MICAL3: variants seen among roughly 807,000 people sequenced by gnomAD.
MICAL3 encodes the protein microtubule associated monooxygenase, calponin and LIM domain containing 3, also known as [F-actin]-monooxygenase MICAL3.
MICAL3 carries 62 observed loss-of-function variants against 207.4 expected under a neutral mutation model. That is an observed-to-expected ratio of 0.30 (90% CI 0.24 to 0.37). The LOEUF (loss-of-function observed/expected upper bound fraction) is 0.37. Among genes scored for constraint, MICAL3 ranks in the 10% least tolerant of loss-of-function variants. The probability of loss-of-function intolerance (pLI) is 1.00; values close to 1 mark genes in which losing one functional copy is unlikely to be tolerated. For synonymous variants in MICAL3, 1,077 were observed against 1,069.3 expected (o/e 1.01, Z -0.14); for missense variants, 2,368 against 2,635.6 (o/e 0.90, Z 2.22).
At chr22:17,834,344 A>G (rs1923131800) in intron 20 of MICAL3, 9 of 1,218,018 alleles carry the variant, frequency 7.4e-6, no homozygotes, top group Non-Finnish European at 9.4e-6. Flanking sequence ...ATTTACCTGG[A>G]TAAAATTTAT....
At chr22:17,888,977 C>G (rs1930168632) in intron 13 of MICAL3, 57 bp downstream of exon 13, 1 of 1,282,960 alleles carries the variant, frequency 7.8e-7, no homozygotes, top group African/African-American at 1.5e-5. Flanking sequence ...GAAGGAAGAA[C>G]AGCCGGGCCA....
At chr22:17,863,341 G>A in intron 19 of MICAL3, 1 of 985,334 alleles carries the variant, frequency 1.0e-6, no homozygotes, top group Non-Finnish European at 1.2e-6. Context: ...TGATGAAATA[G>A]GGCCCAGACT....
chr22:17,897,393 A>G (rs1285656416), intron 7 of MICAL3, among the ~76,000 whole-genome samples: 1 of 137,068 alleles, frequency 7.3e-6, no homozygotes, highest in East Asian at 2.2e-4. Context: ...ACTGCACTCC[A>G]GCCTAGGTGA....
At chr22:17,980,093 T>C (rs563663623) in intron 1 of MICAL3, among the ~76,000 whole-genome samples, 95 of 148,142 alleles carry the variant, frequency 6.4e-4, no homozygotes, top group African/African-American at 2.1e-3. Context: ...CCTCCCAAAG[T>C]GCTAGGATTA....
At chr22:17,964,907 G>GT (rs1360400505) in intron 1 of MICAL3, among the ~76,000 whole-genome samples, 1 of 152,200 alleles carries the variant, frequency 6.6e-6, no homozygotes, top group Non-Finnish European at 1.5e-5. Context: ...ACTGCTGACC[G>GT]TAAGCGCACT....
At chr22:17,890,275 C>A (rs1291738392) in intron 12 of MICAL3, among the ~76,000 whole-genome samples, 2 of 152,188 alleles carry the variant, frequency 1.3e-5, no homozygotes, top group African/African-American at 4.8e-5. Flanking sequence ...TGCTGCTGAA[C>A]AGTGCCGCGC....
Position 17,847,332 on chromosome 22 carries a change from C to T in MICAL3, c.2606-5315G>A, listed in dbSNP as rs117402742. On this transcript the variant is annotated intron_variant, in intron 19 of 31. Transcript: ENST00000441493. The stretch of plus-strand genomic sequence containing the variant: ...AGCTTGGGAAAGTTTGAATGGAATC[C>T]GAGTCTGACAAGGACTGAAAGAAAG... 7.3e-3 allele frequency among the ~76,000 whole-genome samples: 1,118 copies of T among 152,294 alleles called. 8 individuals carry two copies. The highest frequency in any genetic ancestry group is 0.013 in the Non-Finnish European group (886 of 68,026).
At chr22:17,861,869 C>A in intron 19 of MICAL3, 2 of 985,472 alleles carry the variant, frequency 2.0e-6, no homozygotes, top group Non-Finnish European at 2.4e-6. Flanking sequence ...AAAGACAATA[C>A]TTTAAAGCCG....
chr22:17,963,819 A>G (rs1569149346), intron 1 of MICAL3, among the ~76,000 whole-genome samples: 1 of 152,212 alleles, frequency 6.6e-6, no homozygotes, highest in African/African-American at 2.4e-5. Flanking sequence ...TTGCAAGGTA[A>G]GATGCCCTGG....
rs527538872 is a variant in MICAL3, at chr22:17,816,481, C to A, written c.5445+209G>T. Among the ~76,000 whole-genome samples the A allele has an allele frequency of 2.4e-4, 37 of 152,376 alleles. 2 individuals carry two copies. In the Middle Eastern group the frequency reaches 0.027, roughly 112 times the overall value. ...CTTCACAAGAAATCAGAAGCCCTTG[C>A]TGTGGATGCCAACGGCCCTAGCTCC... On this transcript the variant is annotated intron_variant, in intron 27 of 31. Coordinates refer to ENST00000441493, the MANE Select transcript of MICAL3 (RefSeq NM_015241.3).
Position 17,822,812 on chromosome 22 carries a change from A to G in MICAL3, c.3307+135T>C, listed in dbSNP as rs60212054. Reference sequence around the variant, plus strand: ...GTGGTGGTTGGGTGGAATGAGATGCATTCCAGCCATGGTGGAGCCAAGAAG... The same window carrying G: ...GTGGTGGTTGGGTGGAATGAGATGCGTTCCAGCCATGGTGGAGCCAAGAAG... On this transcript the variant is annotated intron_variant, in intron 23 of 31. Coordinates refer to ENST00000441493, the MANE Select transcript of MICAL3 (RefSeq NM_015241.3). The G allele has an allele frequency of 6.3e-3, 3,734 of 592,276 alleles. 115 individuals are homozygous for G. The African/African-American group carries it at 0.064, about 10-fold the overall frequency. 36.7% of individuals were successfully genotyped at this position (592,276 alleles called of 1,614,324 possible).
chr22:17,945,427 G>A (rs1375733901), intron 1 of MICAL3, among the ~76,000 whole-genome samples: 1 of 152,152 alleles, frequency 6.6e-6, no homozygotes, highest in Non-Finnish European at 1.5e-5. Context: ...TGGGCTCTGA[G>A]CACCCCTGCA....
intron 20 of MICAL3, among the ~76,000 whole-genome samples, chr22:17,838,788 T>A (rs1397948694): frequency 6.6e-6 from 1 of 152,100 alleles, no homozygotes; most frequent in East Asian, 1.9e-4. Flanking sequence ...CCATTTCTCA[T>A]CTTCCAGTCT....
chr22:17,810,661 C>T, intron 28 of MICAL3, 42 bp downstream of exon 28: 2 of 1,494,388 alleles, frequency 1.3e-6, no homozygotes, highest in Non-Finnish European at 9.3e-7. Flanking sequence ...GCTGCCCAAC[C>T]CTCCCATGCA....
At chr22:17,963,858 G>A (rs1306358125) in intron 1 of MICAL3, among the ~76,000 whole-genome samples, 1 of 152,162 alleles carries the variant, frequency 6.6e-6, no homozygotes, top group Non-Finnish European at 1.5e-5. Flanking sequence ...TTACCCATCA[G>A]GCTACCAGCT....
chr22:17,948,744 C>T (rs1934190118), intron 1 of MICAL3, among the ~76,000 whole-genome samples: 1 of 151,526 alleles, frequency 6.6e-6, no homozygotes. Context: ...CCCGTCTTCA[C>T]AAAAAAATAC....
intron 29 of MICAL3, among the ~76,000 whole-genome samples, chr22:17,801,041 G>A (rs2061931928): frequency 6.6e-6 from 1 of 152,132 alleles, no homozygotes; most frequent in East Asian, 1.9e-4. Flanking sequence ...GCAGCATAAT[G>A]GTCTGGGAAA....
intron 29 of MICAL3, among the ~76,000 whole-genome samples, chr22:17,794,903 C>G (rs530542613): frequency 6.6e-6 from 1 of 152,136 alleles, no homozygotes; most frequent in African/African-American, 2.4e-5. Context: ...CAGGAAGACA[C>G]GGGGCCTCGG....
Position 17,791,473 on chromosome 22 carries a change from C to G in MICAL3, c.5651-172G>C, listed in dbSNP as rs2061824184. 4 of 632,590 alleles carry G rather than the reference C, an allele frequency of 6.3e-6. No homozygotes were observed. The Admixed American group carries it at 9.8e-5, about 16-fold the overall frequency. 39.2% of individuals were successfully genotyped at this position (632,590 alleles called of 1,614,324 possible). A position where few individuals can be genotyped will look rare whatever the true frequency, so the allele number is the denominator to read the frequency against. On this transcript the variant is annotated intron_variant, in intron 29 of 31. Transcript: ENST00000441493. ...CCATGGGGCCCTGGCGTCCCCCTTC[C>G]TGGGGCCTGCGCTTTCCCGTGTCCT...
Sources: gnomAD v4.1 joint callset for allele counts (sites outside exome capture counted in the v4.1 genomes callset) on GRCh38, gnomAD v4.1.1 for gene constraint, MANE v1.5 for transcripts, NCBI Gene and HGNC (gene_info 2026-07-23, HGNC 2026-07-21) for gene names.